CHTF8: variants seen among roughly 807,000 people sequenced by gnomAD.
CHTF8 encodes chromosome transmission fidelity factor 8.
A neutral mutation model predicts 11.0 loss-of-function variants in CHTF8; 6 were observed. That is an observed-to-expected ratio of 0.55 (90% confidence interval 0.30 to 1.08). The LOEUF is 1.08. Ranked by LOEUF, CHTF8 falls within the 50% of genes least tolerant of loss-of-function variation. The probability of loss-of-function intolerance (pLI) is 0.07; values close to 1 mark genes in which losing one functional copy is unlikely to be tolerated. For synonymous variants in CHTF8, 53 were observed against 60.5 expected, an observed-to-expected ratio of 0.88 and a Z score of 0.57; for missense variants, 140 against 153.1, an observed-to-expected ratio of 0.91 and a Z score of 0.45.
At chr16:69,123,344 A>G (rs1004900702) in intron 1 of CHTF8, among the ~76,000 whole-genome samples, 4 of 152,156 alleles carry the variant, frequency 2.6e-5, no homozygotes, top group African/African-American at 9.7e-5. Flanking sequence ...ATCAAGGTTC[A>G]AAGGGTCTCC....
intron 2 of CHTF8, 47 bp downstream of exon 2, chr16:69,121,389 G>C: frequency 6.5e-7 from 1 of 1,529,572 alleles, no homozygotes; most frequent in Non-Finnish European, 9.0e-7. Context: ...CACCTCTATA[G>C]CCCTCATCAT....
rs747969436 is a variant in CHTF8 at position 69,120,267 on chromosome 16, C to T, written c.*158G>A. 4.2e-5 allele frequency: 31 copies of T among 735,548 alleles called. 1 individual carries two copies. Among genetic ancestry groups the T allele is most frequent in the South Asian group, 3.7e-4 (25 of 68,356 alleles). 45.6% of individuals were successfully genotyped at this position (735,548 alleles called of 1,614,324 possible). ...TCAGATTTCCACCAAGAGAACCGGC[C>T]GCCATAAGGAAGGGATCCGAGTTCA... On this transcript the variant is annotated 3_prime_UTR_variant, in exon 4 of 4. Transcript: ENST00000448552. The surrounding 1 kb of genome is among the most constrained non-coding windows in gnomAD (Gnocchi z 4.0).
In CHTF8 at chr16:69,121,047, C is replaced by T. The variant is rs2152266710; in HGVS notation, c.141+6G>A. 1.2e-6 allele frequency: 2 copies of T among 1,611,706 alleles called. No homozygotes were observed. Among genetic ancestry groups the T allele is most frequent in the East Asian group, 2.2e-5 (1 of 44,870 alleles). On this transcript the variant is annotated splice_donor_region_variant and intron_variant, in intron 3 of 3. Transcript: ENST00000448552. ...GCATTAGGCAGGGAAAGAAAAGCCC[C>T]CTCACCTCAGTGGTGTAATGTAGGT...
At position 69,118,237 on chromosome 16, in the gene CHTF8, A is replaced by C; in HGVS notation, c.*2188T>G. 1.4e-6 allele frequency: 1 copy of C among 704,282 alleles called. No individual in the cohort carries two copies. Among genetic ancestry groups the C allele is most frequent in the Non-Finnish European group, 2.6e-6 (1 of 386,818 alleles). 43.6% of individuals were successfully genotyped at this position (704,282 alleles called of 1,614,324 possible). A position where few individuals can be genotyped will look rare whatever the true frequency, so the allele number is the denominator to read the frequency against. ...AGTTGGATGAGTAGAGGGGCCTTAA[A>C]TCTGGCCACCTCTAAGTCCCAGGAG... is the stretch of plus-strand genomic sequence containing the variant. On this transcript the variant is annotated 3_prime_UTR_variant, in exon 4 of 4. Transcript: ENST00000448552.
chr16:69,120,731 A>C lies in CHTF8; in HGVS notation c.142-82T>G. On this transcript the variant is annotated intron_variant, in intron 3 of 3. Coordinates refer to ENST00000448552, the MANE Select transcript of CHTF8 (RefSeq NM_001039690.5). This position sits in a 1 kb window ranked among gnomAD's most constrained non-coding sequence, Gnocchi z 4.0. ...GGCGCCTCCTAAAGCTGCTCTTGGC[A>C]GGCTATGCTGGCACCTCCAATCCCT... 8.0e-7 allele frequency: 1 copy of C among 1,248,376 alleles called. No homozygotes were observed. The allele number at this position is 1,248,376 out of a possible 1,614,324, so 77.3% of individuals were successfully genotyped here. A position where few individuals can be genotyped will look rare whatever the true frequency, so the allele number is the denominator to read the frequency against.
In CHTF8 at chr16:69,118,816, G is replaced by GTC. The variant is rs1961374930; in HGVS notation, c.*1608_*1609insGA. 3.0e-6 allele frequency: 2 copies of GTC among 677,954 alleles called. No homozygotes were observed. Among genetic ancestry groups the GTC allele is most frequent in the African/African-American group, 3.5e-5 (2 of 56,694 alleles). The allele number at this position is 677,954 out of a possible 1,614,324, so 42.0% of individuals were successfully genotyped here. On this transcript the variant is annotated 3_prime_UTR_variant, in exon 4 of 4. Coordinates refer to ENST00000448552, the MANE Select transcript of CHTF8 (RefSeq NM_001039690.5). ...GACAGCCCCTGCCAAGAACCACAGT[G>GTC]CCTAGAAACCAAGGTGGTCCTGGAG... is the stretch of plus-strand genomic sequence containing the variant.
chr16:69,118,626 C>CCTTT lies in CHTF8; in HGVS notation c.*1795_*1798dup, dbSNP rs1961356247. 1.4e-6 allele frequency: 1 copy of CCTTT among 703,862 alleles called. No individual in the cohort carries two copies. The highest frequency in any genetic ancestry group is 1.5e-5 in the South Asian group (1 of 67,464). The allele number at this position is 703,862 out of a possible 1,614,324, so 43.6% of individuals were successfully genotyped here. A position where few individuals can be genotyped will look rare whatever the true frequency, so the allele number is the denominator to read the frequency against. The stretch of plus-strand genomic sequence containing the variant: ...AGCAGGCTTCTGGGAGGCTGGAGAT[C>CCTTT]CTTTCTCTCAAGGGCAGGATTATTC... On this transcript the variant is annotated 3_prime_UTR_variant, in exon 4 of 4. Coordinates refer to ENST00000448552, the MANE Select transcript of CHTF8 (RefSeq NM_001039690.5).
At chr16:69,126,823 GCT>G (rs1321693524) in intron 1 of CHTF8, among the ~76,000 whole-genome samples, 1 of 152,114 alleles carries the variant, frequency 6.6e-6, no homozygotes, top group African/African-American at 2.4e-5. Context: ...TTCTTTTCTT[GCT>G]CCTTGAGATT....
chr16:69,122,527 C>T (rs1031058071), intron 1 of CHTF8, among the ~76,000 whole-genome samples: 2 of 151,498 alleles, frequency 1.3e-5, no homozygotes, highest in Non-Finnish European at 1.5e-5. Flanking sequence ...TGCATGTCAC[C>T]ATACCCAGCT....
At position 69,120,667 on chromosome 16, in the gene CHTF8, C is replaced by G. The variant is rs199854490; in HGVS notation, c.142-18G>C. 1 of 1,598,204 alleles carries G rather than the reference C, an allele frequency of 6.3e-7. No homozygotes were observed. The highest frequency in any genetic ancestry group is 1.1e-5 in the South Asian group (1 of 90,382). On this transcript the variant is annotated intron_variant, in intron 3 of 3. Coordinates refer to ENST00000448552, the MANE Select transcript of CHTF8 (RefSeq NM_001039690.5). This position sits in a 1 kb window ranked among gnomAD's most constrained non-coding sequence, Gnocchi z 4.0. The stretch of plus-strand genomic sequence containing the variant: ...GGGATTCCCTTTGGCAGAACAAGAA[C>G]GAGATTCCTGAGGTTCCGGGGCAAG...
chr16:69,123,054 C>T (rs544584010), intron 1 of CHTF8, among the ~76,000 whole-genome samples: 13 of 152,228 alleles, frequency 8.5e-5, no homozygotes, highest in African/African-American at 2.9e-4. Flanking sequence ...CCACTGCACC[C>T]GGCCTCTTAC....
chr16:69,119,319 G>C lies in CHTF8; in HGVS notation c.*1106C>G. ...CCAATGTGCCAGAAGACTGAGAAAA[G>C]GCAGATGAACCTGCTCCCCTGGGAA... On this transcript the variant is annotated 3_prime_UTR_variant, in exon 4 of 4. Coordinates refer to ENST00000448552, the MANE Select transcript of CHTF8 (RefSeq NM_001039690.5). 8.5e-6 allele frequency: 6 copies of C among 703,106 alleles called. No individual in the cohort carries two copies. Among genetic ancestry groups the C allele is most frequent in the Non-Finnish European group, 1.6e-5 (6 of 385,036 alleles). 43.6% of individuals were successfully genotyped at this position (703,106 alleles called of 1,614,324 possible).
At chr16:69,127,757 C>CCTGG (rs1325208798) in intron 1 of CHTF8, among the ~76,000 whole-genome samples, 1 of 151,382 alleles carries the variant, frequency 6.6e-6, no homozygotes, top group Non-Finnish European at 1.5e-5. Flanking sequence ...CTACAGGCGC[C>CCTGG]CGCCACCACA....
Position 69,118,200 on chromosome 16 carries a change from C to T in CHTF8, c.*2225G>A, listed in dbSNP as rs1961307204. On this transcript the variant is annotated 3_prime_UTR_variant, in exon 4 of 4. Transcript: ENST00000448552. ...AGGTTCTTTGATTGATTGGGAGTAC[C>T]AGTGAAGAGGGAGTTGGATGAGTAG... The T allele has an allele frequency of 3.6e-6, 2 of 548,726 alleles. No homozygotes were observed. The highest frequency in any genetic ancestry group is 6.7e-6 in the Non-Finnish European group (2 of 298,630). 34.0% of individuals were successfully genotyped at this position (548,726 alleles called of 1,614,324 possible).
At chr16:69,129,290 C>A (rs1962316301) in intron 1 of CHTF8, among the ~76,000 whole-genome samples, 1 of 151,498 alleles carries the variant, frequency 6.6e-6, no homozygotes, top group Non-Finnish European at 1.5e-5. Context: ...ATTAGCCGGG[C>A]GTGGTGGCAG....
At chr16:69,126,253 G>A (rs570087187) in intron 1 of CHTF8, among the ~76,000 whole-genome samples, 55 of 152,154 alleles carry the variant, frequency 3.6e-4, no homozygotes, top group Admixed American at 3.0e-3. Flanking sequence ...AAAATCAATC[G>A]TTAAGCACTG....
chr16:69,121,043 G>C lies in CHTF8; in HGVS notation c.141+10C>G, dbSNP rs1961614167. On this transcript the variant is annotated intron_variant, in intron 3 of 3. Coordinates refer to ENST00000448552, the MANE Select transcript of CHTF8 (RefSeq NM_001039690.5). Reference sequence around the variant, plus strand: ...TGAGGCATTAGGCAGGGAAAGAAAAGCCCCCTCACCTCAGTGGTGTAATGT... The same window carrying C: ...TGAGGCATTAGGCAGGGAAAGAAAACCCCCCTCACCTCAGTGGTGTAATGT... The C allele has an allele frequency of 6.2e-7, 1 of 1,608,694 alleles. No individual in the cohort carries two copies.
intron 2 of CHTF8, 84 bp downstream of exon 2, chr16:69,121,352 G>A: frequency 7.6e-7 from 1 of 1,317,234 alleles, no homozygotes; most frequent in Non-Finnish European, 1.1e-6. Flanking sequence ...TGCACCTAAG[G>A]ACCCTGATTC....
chr16:69,123,850 G>C (rs1159161999), intron 1 of CHTF8, among the ~76,000 whole-genome samples: 1 of 148,790 alleles, frequency 6.7e-6, no homozygotes, highest in Non-Finnish European at 1.5e-5. Flanking sequence ...AACTTTGGGA[G>C]ACCAAAGTGG....
Sources: allele counts gnomAD v4.1 joint callset (sites outside exome capture counted in the v4.1 genomes callset), GRCh38; gene constraint gnomAD v4.1.1; non-coding constraint Gnocchi (gnomAD v3.1); transcripts MANE v1.5; gene names NCBI Gene and HGNC (gene_info 2026-07-23, HGNC 2026-07-21).